Variants in C2CD2L observed in about 807,000 individuals in gnomAD.
C2CD2L encodes C2CD2 like, also known as phospholipid transfer protein C2CD2L.
C2CD2L carries 24 observed loss-of-function variants against 69.9 expected under a neutral mutation model. The ratio of observed to expected loss-of-function variants is 0.34; its 90% CI spans 0.25 to 0.48. The LOEUF is 0.48. Ranked by LOEUF, C2CD2L falls within the 20% of genes least tolerant of loss-of-function variation. The pLI, the probability that C2CD2L is intolerant of heterozygous loss-of-function variation, is 0.99. For synonymous variants in C2CD2L, 367 were observed against 391.0 expected (o/e 0.94, Z 0.72); for missense variants, 811 against 941.5 (o/e 0.86, Z 1.81).
rs776972356 is a variant in C2CD2L at position 119,114,124 on chromosome 11, G to A, written c.1668G>A (p.Ala556=). Residue 556 remains alanine (A), a synonymous_variant, in exon 13 of 14, where the codon GCG becomes GCA. Coordinates refer to ENST00000648610, the MANE Select transcript of C2CD2L (RefSeq NM_001290474.2). This position sits in a 1 kb window ranked among gnomAD's most constrained non-coding sequence, Gnocchi z 5.1. ...QDELALSLGY[A]ASLEASVQDD... The stretch of plus-strand genomic sequence containing the variant: ...AGTTGGCGCTATCCCTGGGCTATGC[G>A]GCATCCCTGGAAGCCTCAGTGCAGG... The A allele has an allele frequency of 5.7e-5, 92 of 1,614,008 alleles. No homozygotes were observed. Among genetic ancestry groups the A allele is most frequent in the East Asian group, 1.8e-4 (8 of 44,876 alleles).
rs1394384026 is a variant in C2CD2L, at chr11:119,107,570, C to G, written c.-172C>G. The G allele has an allele frequency of 2.3e-5, 10 of 427,974 alleles. No individual in the cohort carries two copies. The Admixed American group carries it at 2.7e-4, about 12-fold the overall frequency. 26.5% of individuals were successfully genotyped at this position (427,974 alleles called of 1,614,324 possible). ...GCATCGCGACCCCCGAGGACCTCCT[C>G]TCCTCGCCCTGTGGCACCCACTAGT... On this transcript the variant is annotated 5_prime_UTR_variant, in exon 1 of 14. Coordinates refer to ENST00000648610, the MANE Select transcript of C2CD2L (RefSeq NM_001290474.2). This position sits in a 1 kb window ranked among gnomAD's most constrained non-coding sequence, Gnocchi z 5.4.
At position 119,114,778 on chromosome 11, in the gene C2CD2L, A is replaced by G. The variant is rs1326174860; in HGVS notation, c.1909+413A>G. 4.3e-6 allele frequency: 1 copy of G among 231,556 alleles called. No individual in the cohort carries two copies. The highest frequency in any genetic ancestry group is 5.2e-5 in the Admixed American group (1 of 19,152). 14.3% of individuals were successfully genotyped at this position (231,556 alleles called of 1,614,324 possible). A position where few individuals can be genotyped will look rare whatever the true frequency, so the allele number is the denominator to read the frequency against. ...ACATGGCGAGACCCCATCTCTACTA[A>G]AAATACAATAAATTGGCTGGGCGTA... On this transcript the variant is annotated intron_variant, in intron 13 of 13. Coordinates refer to ENST00000648610, the MANE Select transcript of C2CD2L (RefSeq NM_001290474.2). This position sits in a 1 kb window ranked among gnomAD's most constrained non-coding sequence, Gnocchi z 5.1.
In C2CD2L at chr11:119,107,912, G is replaced by T. The variant is rs565781414; in HGVS notation, c.171G>T (p.Ala57=). 1.3e-6 allele frequency: 2 copies of T among 1,530,780 alleles called. No individual in the cohort carries two copies. The highest frequency in any genetic ancestry group is 2.4e-5 in the South Asian group (2 of 83,640). The allele number at this position is 1,530,780 out of a possible 1,614,324, so 94.8% of individuals were successfully genotyped here. A position where few individuals can be genotyped will look rare whatever the true frequency, so the allele number is the denominator to read the frequency against. ...GPGPALAGEP[A]GSLRELGVWR... is the part of the protein sequence containing the mutation. ...GACCCGCCTTAGCCGGGGAACCCGCGGGTTCCCTGCGGGAGCTGGGCGTGT... is the reference window on the plus strand; with the variant it reads ...GACCCGCCTTAGCCGGGGAACCCGCTGGTTCCCTGCGGGAGCTGGGCGTGT... Residue 57 remains alanine, a synonymous_variant, in exon 1 of 14, where the codon GCG becomes GCT. Transcript: ENST00000648610. This position sits in a 1 kb window ranked among gnomAD's most constrained non-coding sequence, Gnocchi z 5.4.
In C2CD2L at chr11:119,117,907, C is replaced by T. The variant is rs1334142938; in HGVS notation, c.*1651C>T. On this transcript the variant is annotated 3_prime_UTR_variant, in exon 14 of 14. Transcript: ENST00000648610. ...CTAAAATAAGGGTGACCTGGATAAA[C>T]ATTCAGGTCACTTCCAGCCTTGACA... 1 of 152,156 alleles carries T rather than the reference C, an allele frequency of 6.6e-6. No homozygotes were observed. Among genetic ancestry groups the T allele is most frequent in the African/African-American group, 2.4e-5 (1 of 41,408 alleles). 9.4% of individuals were successfully genotyped at this position (152,156 alleles called of 1,614,324 possible).
Position 119,110,476 on chromosome 11 carries a change from G to A in C2CD2L, c.451-85G>A. ...GAAGTCCTTAGGAAAACGGAAGTGG[G>A]GAGGGGTCTGCTGAACTATTACAGG... is the stretch of plus-strand genomic sequence containing the variant. On this transcript the variant is annotated intron_variant, in intron 2 of 13. Transcript: ENST00000648610. This position sits in a 1 kb window ranked among gnomAD's most constrained non-coding sequence, Gnocchi z 5.7. 2.1e-6 allele frequency: 3 copies of A among 1,453,254 alleles called. No homozygotes were observed. The highest frequency in any genetic ancestry group is 1.8e-6 in the Non-Finnish European group (2 of 1,085,826). The allele number at this position is 1,453,254 out of a possible 1,614,324, so 90.0% of individuals were successfully genotyped here.
chr11:119,114,086 A>G lies in C2CD2L; in HGVS notation c.1630A>G (p.Ile544Val), dbSNP rs749300775. 2.5e-6 allele frequency: 4 copies of G among 1,614,030 alleles called. No homozygotes were observed. The highest frequency in any genetic ancestry group is 2.2e-5 in the South Asian group (2 of 91,082). The change falls in exon 13 of 14, where the codon ATT becomes GTT. Residue 544 changes from isoleucine (I) to valine (V), a missense_variant. Physicochemically the swap from Ile to Val is conservative, Grantham distance 29. Coordinates refer to ENST00000648610, the MANE Select transcript of C2CD2L (RefSeq NM_001290474.2). The surrounding 1 kb of genome is among the most constrained non-coding windows in gnomAD (Gnocchi z 5.1). ...AACCCGTCCCTCCTGCCAGGTGCCC[A>G]TTGCTCAGGACGAGTTGGCGCTATC... ...LIISGVSKVP[I>V]AQDELALSLG...
At position 119,108,305 on chromosome 11, in the gene C2CD2L, A is replaced by G. The variant is rs1002333987; in HGVS notation, c.354+210A>G. On this transcript the variant is annotated intron_variant, in intron 1 of 13. Transcript: ENST00000648610. ...CCCCAGACTTCCATTTCTGTGGGCA[A>G]GGTACTCTGGTTCCAAACCCATGCA... The G allele has an allele frequency of 1.2e-5, 6 of 516,324 alleles. No homozygotes were observed. The Admixed American group carries it at 2.4e-4, about 21-fold the overall frequency. 32.0% of individuals were successfully genotyped at this position (516,324 alleles called of 1,614,324 possible).
Position 119,114,632 on chromosome 11 carries a change from C to T in C2CD2L, c.1909+267C>T. 4 of 425,854 alleles carry T rather than the reference C, an allele frequency of 9.4e-6. No individual in the cohort carries two copies. In the South Asian group the frequency reaches 1.0e-4, roughly 11 times the overall value. The allele number at this position is 425,854 out of a possible 1,614,324, so 26.4% of individuals were successfully genotyped here. On this transcript the variant is annotated intron_variant, in intron 13 of 13. Coordinates refer to ENST00000648610, the MANE Select transcript of C2CD2L (RefSeq NM_001290474.2). The surrounding 1 kb of genome is among the most constrained non-coding windows in gnomAD (Gnocchi z 5.1). ...CTGAGTCTAAGTGCCATTTTTCCTG[C>T]CCTTTAAAAAAAAATTATAAAAATT...
rs189845059 is a variant in C2CD2L at position 119,114,388 on chromosome 11, C to T, written c.1909+23C>T. 5.1e-4 allele frequency: 824 copies of T among 1,610,726 alleles called. 3 individuals carry two copies. In the African/African-American group the frequency reaches 8.7e-3, roughly 17 times the overall value. On this transcript the variant is annotated intron_variant, in intron 13 of 13. Transcript: ENST00000648610. The surrounding 1 kb of genome is among the most constrained non-coding windows in gnomAD (Gnocchi z 5.1). Reference sequence around the variant, plus strand: ...AAGGTAGGGGGACGTTGGCAGGGTGCCCCTCATCTCTTCTTTTATACACAT... The same window carrying T: ...AAGGTAGGGGGACGTTGGCAGGGTGTCCCTCATCTCTTCTTTTATACACAT...
rs1232128733 is a variant in C2CD2L at position 119,110,977 on chromosome 11, AGAG to A, written c.681+21_681+23del. 1 of 1,613,992 alleles carries A rather than the reference AGAG, an allele frequency of 6.2e-7. No homozygotes were observed. The stretch of plus-strand genomic sequence containing the variant: ...AGGGAGGTAAGGAGGCAGAGCTGGC[AGAG>A]AAGAGGCAGAACGGGGAGGGAGGCA... On this transcript the variant is annotated intron_variant, in intron 4 of 13. Transcript: ENST00000648610. This position sits in a 1 kb window ranked among gnomAD's most constrained non-coding sequence, Gnocchi z 5.7.
At position 119,107,822 on chromosome 11, in the gene C2CD2L, C is replaced by T; in HGVS notation, c.81C>T (p.Phe27=). 6.4e-7 allele frequency: 1 copy of T among 1,553,340 alleles called. No individual in the cohort carries two copies. Among genetic ancestry groups the T allele is most frequent in the Admixed American group, 1.9e-5 (1 of 54,032 alleles). The change falls in exon 1 of 14, where the codon TTC becomes TTT. Residue 27 remains phenylalanine (F), a synonymous_variant. Coordinates refer to ENST00000648610, the MANE Select transcript of C2CD2L (RefSeq NM_001290474.2). The surrounding 1 kb of genome is among the most constrained non-coding windows in gnomAD (Gnocchi z 5.4). ...TCGCCGCCTCGCTGCTCACGGTGTT[C>T]GCCTGGCTGCTGCAATATGCCCGGG... ...ILFAASLLTV[F]AWLLQYARGL...
In C2CD2L at chr11:119,114,168, G is replaced by A; in HGVS notation, c.1712G>A (p.Gly571Glu). 1 of 1,614,096 alleles carries A rather than the reference G, an allele frequency of 6.2e-7. No homozygotes were observed. The highest frequency in any genetic ancestry group is 8.5e-7 in the Non-Finnish European group (1 of 1,180,004). The stretch of plus-strand genomic sequence containing the variant: ...GTGCAGGATGATGCAGGGACCAGCG[G>A]AGGCCCCTCTTCACCTCCCTCAGAC... ...ASVQDDAGTS[G>E]GPSSPPSDPP... is the part of the protein sequence containing the mutation. Residue 571 changes from glycine to glutamate, a missense_variant, in exon 13 of 14, where the codon GGA (glycine) becomes GAA (glutamate). Gly to Glu is a moderately conservative substitution (Grantham distance 98). Coordinates refer to ENST00000648610, the MANE Select transcript of C2CD2L (RefSeq NM_001290474.2). This position sits in a 1 kb window ranked among gnomAD's most constrained non-coding sequence, Gnocchi z 5.1.
upstream of C2CD2L, among the ~76,000 whole-genome samples, chr11:119,104,013 T>C (rs979482891): frequency 4.6e-5 from 7 of 152,182 alleles, no homozygotes; most frequent in African/African-American, 1.7e-4. Context: ...ATAATGAGGC[T>C]GAGGCTGAAA....
rs1565775566 is a variant in C2CD2L at position 119,112,560 on chromosome 11, C to CTGGT, written c.1163_1164insTGGT (p.Pro389GlyfsTer21). 3.7e-6 allele frequency: 6 copies of CTGGT among 1,612,848 alleles called. No homozygotes were observed. The highest frequency in any genetic ancestry group is 5.1e-6 in the Non-Finnish European group (6 of 1,179,730). ...TCTCGAAGACAGTTGTGCCCACTCA[C>CTGGT]CCCAGGGCCAGGGAAAGCCCTGGGA... On this transcript the variant is annotated frameshift_variant, in exon 9 of 14. Transcript: ENST00000648610. LOFTEE classifies it high-confidence loss of function.
At chr11:119,108,660 A>G (rs1946656565) in intron 1 of C2CD2L, among the ~76,000 whole-genome samples, 1 of 152,154 alleles carries the variant, frequency 6.6e-6, no homozygotes, top group South Asian at 2.1e-4. Context: ...CTACCAGTAG[A>G]TGAGCTTGGA....
chr11:119,116,435 T>G lies in C2CD2L; in HGVS notation c.*179T>G. On this transcript the variant is annotated 3_prime_UTR_variant, in exon 14 of 14. Transcript: ENST00000648610. ...CTTGGAACGGGAAGCACATGAGAGG[T>G]GGGCACCCGGTGCCGAGGACATGGA... 1.6e-6 allele frequency: 1 copy of G among 610,898 alleles called. No homozygotes were observed. Among genetic ancestry groups the G allele is most frequent in the Non-Finnish European group, 2.9e-6 (1 of 345,330 alleles). The allele number at this position is 610,898 out of a possible 1,614,324, so 37.8% of individuals were successfully genotyped here.
chr11:119,111,935 G>T (rs1946753996), intron 7 of C2CD2L: 2 of 441,740 alleles, frequency 4.5e-6, no homozygotes, highest in Non-Finnish European at 8.2e-6. Flanking sequence ...TTCCCATGAG[G>T]GAATAAGGAT....
rs1408799679 is a variant in C2CD2L, at chr11:119,117,416, C to T, written c.*1160C>T. 1 of 152,234 alleles carries T rather than the reference C, an allele frequency of 6.6e-6. No individual in the cohort carries two copies. The highest frequency in any genetic ancestry group is 2.4e-5 in the African/African-American group (1 of 41,450). 9.4% of individuals were successfully genotyped at this position (152,234 alleles called of 1,614,324 possible). On this transcript the variant is annotated 3_prime_UTR_variant, in exon 14 of 14. Coordinates refer to ENST00000648610, the MANE Select transcript of C2CD2L (RefSeq NM_001290474.2). ...GATGTAATGGAGATCAAAGCTTGGA[C>T]CCTGTAACTAGACTGCCTGCCTGGG...
In C2CD2L at chr11:119,107,976, G is replaced by A. The variant is rs746082840; in HGVS notation, c.235G>A (p.Ala79Thr). The A allele has an allele frequency of 4.5e-6, 7 of 1,555,176 alleles. No individual in the cohort carries two copies. The Admixed American group carries it at 6.2e-5, about 14-fold the overall frequency. Residue 79 changes from alanine to threonine, a missense_variant, in exon 1 of 14, where the codon GCC becomes ACC. By Grantham distance (58) the Ala-to-Thr change is moderately conservative. Transcript: ENST00000648610. This position sits in a 1 kb window ranked among gnomAD's most constrained non-coding sequence, Gnocchi z 5.4. ...LLRLRATRAG[A>T]AEEPGVRGLL... ...GCGGCTGCGGGCGACTCGGGCTGGC[G>A]CCGCCGAGGAGCCAGGAGTCCGGGG...
Sources: gnomAD v4.1 joint callset for allele counts (sites outside exome capture counted in the v4.1 genomes callset) on GRCh38, gnomAD v4.1.1 for gene constraint, Gnocchi (gnomAD v3.1) non-coding constraint, MANE v1.5 for transcripts, NCBI Gene and HGNC (gene_info 2026-07-23, HGNC 2026-07-21) for gene names.